SPTBN1: variants seen among roughly 807,000 people sequenced by gnomAD.
SPTBN1 encodes spectrin beta, non-erythrocytic 1, also known as spectrin beta chain, non-erythrocytic 1.
A neutral mutation model predicts 266.4 loss-of-function variants in SPTBN1; 32 were observed. That is an observed-to-expected ratio of 0.12 (90% confidence interval 0.09 to 0.16). The LOEUF is 0.16. SPTBN1 is among the 10% of genes least tolerant of loss of function. SPTBN1 has a pLI of 1.00. For synonymous variants in SPTBN1, 1,336 were observed against 1,162.2 expected, an observed-to-expected ratio of 1.15 and a Z score of -3.04; for missense variants, 2,296 against 3,067.1, an observed-to-expected ratio of 0.75 and a Z score of 5.94.
chr2:54,487,205 T>G (rs1321215680), intron 1 of SPTBN1, among the ~76,000 whole-genome samples: 6 of 149,744 alleles, frequency 4.0e-5, no homozygotes, highest in Admixed American at 4.0e-4. Flanking sequence ...CTTTTTAACT[T>G]TTTCAAAAAT....
intron 1 of SPTBN1, among the ~76,000 whole-genome samples, chr2:54,485,158 CTCTCCCTCTCCCTCCG>C (rs1558767386): frequency 6.6e-6 from 1 of 151,856 alleles, no homozygotes; most frequent in Admixed American, 6.6e-5. Flanking sequence ...CTCCCTCTCC[CTCTCCCTCTCCCTCCG>C]TCTCCCTCTC....
At chr2:54,462,466 T>C (rs1363860516) in intron 1 of SPTBN1, among the ~76,000 whole-genome samples, 1 of 152,236 alleles carries the variant, frequency 6.6e-6, no homozygotes, top group Admixed American at 6.5e-5. Flanking sequence ...TACACAGTTC[T>C]TTTGACCATT....
intron 1 of SPTBN1, among the ~76,000 whole-genome samples, chr2:54,522,661 A>AG (rs1230597089): frequency 0.032 from 2,743 of 85,658 alleles, 106 homozygotes; most frequent in Middle Eastern, 0.047. Context: ...AGAGAGAAAG[A>AG]GAGAGAGAGA....
At chr2:54,496,551 G>A (rs4671219) in intron 1 of SPTBN1, among the ~76,000 whole-genome samples, 68,858 of 151,466 alleles carry the variant, frequency 0.45, 15,984 homozygotes, top group Admixed American at 0.52. Flanking sequence ...AACTTATTTA[G>A]TCATCAAAAC....
At chr2:54,490,787 T>C (rs1668645357) in intron 1 of SPTBN1, among the ~76,000 whole-genome samples, 1 of 151,888 alleles carries the variant, frequency 6.6e-6, no homozygotes, top group Non-Finnish European at 1.5e-5. Context: ...TTAGTGTTAG[T>C]TGGAAAGATT....
At chr2:54,630,829 C>A (rs545540075) in intron 15 of SPTBN1, 26 bp from the exon 16 acceptor site, 9 of 1,535,388 alleles carry the variant, frequency 5.9e-6, no homozygotes, top group Middle Eastern at 1.8e-4. Flanking sequence ...CTTTTTCACA[C>A]TCGCTGTCTG....
chr2:54,614,572 G>A (rs1376605422), intron 4 of SPTBN1, among the ~76,000 whole-genome samples: 1 of 152,162 alleles, frequency 6.6e-6, no homozygotes, highest in Non-Finnish European at 1.5e-5. Flanking sequence ...GGAGGCCAAG[G>A]TGGGTGGATC....
intron 1 of SPTBN1, among the ~76,000 whole-genome samples, chr2:54,472,728 C>G (rs1693994081): frequency 6.6e-6 from 1 of 151,952 alleles, no homozygotes; most frequent in Admixed American, 6.6e-5. Flanking sequence ...GCCTGTGGGA[C>G]TAATCTAAAC....
At position 54,487,832 on chromosome 2, in the gene SPTBN1, C is replaced by CTCTTTTTTTTTTTTTTTTTTTTTTT. The variant is rs1426296541; in HGVS notation, c.-48+31315_-48+31316insCTTTTTTTTTTTTTTTTTTTTTTTT. On this transcript the variant is annotated intron_variant, in intron 1 of 35. Coordinates refer to ENST00000356805, the MANE Select transcript of SPTBN1 (RefSeq NM_003128.3). The stretch of plus-strand genomic sequence containing the variant: ...TTCACTTGATGGTCTCCTCCTGTGT[C>CTCTTTTTTTTTTTTTTTTTTTTTTT]TTTTTTTTTTTTTTTGAGACGGAGT... Among the ~76,000 whole-genome samples the CTCTTTTTTTTTTTTTTTTTTTTTTT allele has an allele frequency of 8.2e-4, 56 of 68,646 alleles. 6 individuals carry two copies. The highest frequency in any genetic ancestry group is 1.1e-3 in the Non-Finnish European group (43 of 39,042). 45.0% of individuals were successfully genotyped at this position (68,646 alleles called of 152,430 possible).
chr2:54,629,186 G>A lies in SPTBN1; in HGVS notation c.2052G>A (p.Glu684=), dbSNP rs1159734874. The change falls in exon 14 of 36, where the codon GAG becomes GAA. Residue 684 remains glutamate, a synonymous_variant. Coordinates refer to ENST00000356805, the MANE Select transcript of SPTBN1 (RefSeq NM_003128.3). ...TGCTCAGCAAGCACCGGGCGTTCGAGGACGAGATGAGCGGCCGCAGTGGCC... is the reference window on the plus strand; with the variant it reads ...TGCTCAGCAAGCACCGGGCGTTCGAAGACGAGATGAGCGGCCGCAGTGGCC... The part of the protein sequence containing the change: ...MRLLSKHRAF[E]DEMSGRSGHF... 3.6e-5 allele frequency: 58 copies of A among 1,613,684 alleles called. No individual in the cohort carries two copies. Among genetic ancestry groups the A allele is most frequent in the Non-Finnish European group, 4.8e-5 (57 of 1,179,954 alleles).
At chr2:54,561,635 G>C (rs1027538162) in intron 2 of SPTBN1, among the ~76,000 whole-genome samples, 1 of 144,526 alleles carries the variant, frequency 6.9e-6, no homozygotes, top group Non-Finnish European at 1.5e-5. Context: ...AAATGAGTCT[G>C]GTCTATTTAG....
chr2:54,603,189 G>C lies in SPTBN1; in HGVS notation c.300+3946G>C, dbSNP rs1167976136. Among the ~76,000 whole-genome samples the C allele has an allele frequency of 2.6e-5, 4 of 152,166 alleles. No individual in the cohort carries two copies. The South Asian group carries it at 6.2e-4, about 24-fold the overall frequency. ...AGGGTAGGGTGTGGGTAGGGTTCCA[G>C]CTGGGTCCAGGAGAAGAGCTTCACA... On this transcript the variant is annotated intron_variant, in intron 3 of 35. Coordinates refer to ENST00000356805, the MANE Select transcript of SPTBN1 (RefSeq NM_003128.3).
At chr2:54,537,744 C>T (rs1240151523) in intron 2 of SPTBN1, among the ~76,000 whole-genome samples, 2 of 152,218 alleles carry the variant, frequency 1.3e-5, no homozygotes, top group African/African-American at 4.8e-5. Context: ...GCTTCTGTCT[C>T]TGCCCCTTGT....
chr2:54,510,807 C>G (rs771479969), intron 1 of SPTBN1, among the ~76,000 whole-genome samples: 2 of 152,164 alleles, frequency 1.3e-5, no homozygotes, highest in Non-Finnish European at 2.9e-5. Context: ...ATCTTTTCTT[C>G]TAAGTTTTTT....
intron 2 of SPTBN1, chr2:54,529,305 T>A (rs766330700): frequency 4.0e-6 from 2 of 501,680 alleles, no homozygotes; most frequent in African/African-American, 3.9e-5. Context: ...TCAAACCCAG[T>A]AGAGTTACCT....
At chr2:54,495,521 T>C (rs1668920543) in intron 1 of SPTBN1, among the ~76,000 whole-genome samples, 1 of 152,226 alleles carries the variant, frequency 6.6e-6, no homozygotes, top group African/African-American at 2.4e-5. Context: ...AAGTGTTCTC[T>C]GTAGAAATTA....
chr2:54,456,930 G>C (rs1478022531), intron 1 of SPTBN1, among the ~76,000 whole-genome samples: 1 of 150,390 alleles, frequency 6.6e-6, no homozygotes, highest in East Asian at 2.0e-4. Flanking sequence ...GGTGGGTGCG[G>C]AGCGGACAGC....
At chr2:54,609,661 T>G (rs1043487492) in intron 3 of SPTBN1, among the ~76,000 whole-genome samples, 1 of 152,050 alleles carries the variant, frequency 6.6e-6, no homozygotes, top group African/African-American at 2.4e-5. Context: ...TAGGGGCCAG[T>G]AGACCATGTC....
intron 1 of SPTBN1, among the ~76,000 whole-genome samples, chr2:54,472,350 A>C (rs1007707131): frequency 2.6e-5 from 4 of 152,098 alleles, no homozygotes; most frequent in African/African-American, 9.7e-5. Context: ...TAAAAGTCCT[A>C]TATTTTATAT....
Sources: gnomAD v4.1 joint callset for allele counts (sites outside exome capture counted in the v4.1 genomes callset) on GRCh38, gnomAD v4.1.1 for gene constraint, MANE v1.5 for transcripts, NCBI Gene and HGNC (gene_info 2026-07-23, HGNC 2026-07-21) for gene names.